The following ATP2B2 variants were observed in gnomAD, a reference collection of about 807,000 sequenced individuals.
The protein encoded by ATP2B2 is plasma membrane calcium-transporting ATPase 2.
In ATP2B2, 15 loss-of-function variants were observed where a neutral mutation model predicts 120.0. The ratio of observed to expected loss-of-function variants is 0.12; its 90% CI spans 0.08 to 0.19. The LOEUF is 0.19. ATP2B2 is among the 10% of genes least tolerant of loss of function. The pLI is 1.00. For missense variants in ATP2B2, 1,045 were observed against 1,719.8 expected, an observed-to-expected ratio of 0.61 and a Z score of 6.94; for synonymous variants, 694 against 700.3, an observed-to-expected ratio of 0.99 and a Z score of 0.14.
rs181383482 is a variant in ATP2B2 at position 10,705,713 on chromosome 3, C to T, written c.-460+2202G>A. On this transcript the variant is annotated intron_variant, in intron 1 of 21. Coordinates refer to the ATP2B2 transcript ENST00000646379. ...TTGTGAGGATTAAATCAGATGAAAC[C>T]CCAAAAGCGCTTCGTACACAGCCTG... Among the ~76,000 whole-genome samples, 350 of 152,242 alleles carry T rather than the reference C, an allele frequency of 2.3e-3. 2 individuals carry two copies. Among genetic ancestry groups the T allele is most frequent in the African/African-American group, 7.9e-3 (326 of 41,528 alleles).
intron 3 of ATP2B2, among the ~76,000 whole-genome samples, chr3:10,521,891 A>G (rs2066991350): frequency 6.6e-6 from 1 of 152,234 alleles, no homozygotes; most frequent in Non-Finnish European, 1.5e-5. Context: ...AGGCAATATT[A>G]GCCCATTTAC....
intron 1 of ATP2B2, among the ~76,000 whole-genome samples, chr3:10,484,788 C>A (rs1230283435): frequency 6.6e-6 from 1 of 152,214 alleles, no homozygotes; most frequent in African/African-American, 2.4e-5. Flanking sequence ...CAACCTCAAC[C>A]ATCAGCCAGG....
At chr3:10,465,199 C>T (rs17032929) in intron 1 of ATP2B2, among the ~76,000 whole-genome samples, 5,616 of 152,334 alleles carry the variant, frequency 0.037, 139 homozygotes, top group Admixed American at 0.063. Flanking sequence ...TCAGCCAGAA[C>T]GTTTAAGAGT....
intron 2 of ATP2B2, among the ~76,000 whole-genome samples, chr3:10,593,533 C>A (rs1318474296): frequency 6.6e-6 from 1 of 152,130 alleles, no homozygotes; most frequent in African/African-American, 2.4e-5. Context: ...GAAACTGGAT[C>A]CCTTCCTTAC....
intron 2 of ATP2B2, among the ~76,000 whole-genome samples, chr3:10,580,981 C>T (rs369510011): frequency 1.8e-4 from 28 of 152,306 alleles, no homozygotes; most frequent in African/African-American, 5.8e-4. Context: ...TGCTGACCCC[C>T]GTCATAGATT....
upstream of ATP2B2, among the ~76,000 whole-genome samples, chr3:10,510,161 C>T (rs998019422): frequency 6.6e-6 from 1 of 152,192 alleles, no homozygotes; most frequent in Non-Finnish European, 1.5e-5. Context: ...CACCAATTCT[C>T]CCCTCCTCCT....
intron 2 of ATP2B2, among the ~76,000 whole-genome samples, chr3:10,582,086 G>A (rs1408545205): frequency 6.6e-6 from 1 of 152,152 alleles, no homozygotes; most frequent in East Asian, 1.9e-4. Flanking sequence ...TATTTTTAAC[G>A]AGACATACTT....
chr3:10,571,974 C>A (rs995954835), intron 2 of ATP2B2, among the ~76,000 whole-genome samples: 9 of 152,162 alleles, frequency 5.9e-5, no homozygotes, highest in Non-Finnish European at 1.2e-4. Context: ...GTCAACTTCC[C>A]CACCCCTTGG....
At chr3:10,574,362 T>C (rs115427013) in intron 2 of ATP2B2, among the ~76,000 whole-genome samples, 9,668 of 152,262 alleles carry the variant, frequency 0.063, 413 homozygotes, top group Middle Eastern at 0.12. Context: ...GCAGTGGTGA[T>C]GGCTGTTTCT....
At chr3:10,654,629 GC>G (rs1175720346) in intron 1 of ATP2B2, among the ~76,000 whole-genome samples, 5 of 152,278 alleles carry the variant, frequency 3.3e-5, no homozygotes, top group Middle Eastern at 3.4e-3. Context: ...CCTCCCTCCA[GC>G]ATAGATTTAT....
chr3:10,336,469 T>C (rs2060120715), intron 22 of ATP2B2, among the ~76,000 whole-genome samples: 1 of 152,176 alleles, frequency 6.6e-6, no homozygotes, highest in Non-Finnish European at 1.5e-5. Flanking sequence ...AAACGTCTGC[T>C]CAGCTCTGGG....
intron 2 of ATP2B2, among the ~76,000 whole-genome samples, chr3:10,614,367 A>G (rs2069324420): frequency 6.6e-6 from 1 of 152,072 alleles, no homozygotes; most frequent in Admixed American, 6.5e-5. Flanking sequence ...GCTGGTTGTT[A>G]TAAGGATTTA....
Position 10,340,290 on chromosome 3 carries a change from C to T in ATP2B2, c.3189G>A (p.Gln1063=), listed in dbSNP as rs1456967817. 1.2e-6 allele frequency: 2 copies of T among 1,614,142 alleles called. No homozygotes were observed. The highest frequency in any genetic ancestry group is 1.7e-6 in the Non-Finnish European group (2 of 1,180,058). ...PFSCSPLQLD[Q]WMWCIFIGLG... ...ACCCAATGAATATGCACCACATCCA[C>T]TGGTCCAGCTGCAGTGGAGAGCAGC... is the stretch of plus-strand genomic sequence containing the variant. The change falls in exon 21 of 23, where the codon CAG becomes CAA. Residue 1063 remains glutamine, a synonymous_variant. Transcript: ENST00000360273. The surrounding 1 kb of genome is among the most constrained non-coding windows in gnomAD (Gnocchi z 5.0).
intron 18 of ATP2B2, among the ~76,000 whole-genome samples, chr3:10,344,275 C>T (rs1342539330): frequency 6.6e-6 from 1 of 152,162 alleles, no homozygotes; most frequent in Non-Finnish European, 1.5e-5. Flanking sequence ...GCATCAAGAC[C>T]TTCTGGTTTC....
chr3:10,422,227 G>A (rs2063004499), intron 2 of ATP2B2, among the ~76,000 whole-genome samples: 1 of 152,198 alleles, frequency 6.6e-6, no homozygotes, highest in Non-Finnish European at 1.5e-5. Flanking sequence ...TGCACACATG[G>A]GTGGCCACGT....
At chr3:10,597,502 G>A (rs777570656) in intron 2 of ATP2B2, among the ~76,000 whole-genome samples, 3 of 152,296 alleles carry the variant, frequency 2.0e-5, no homozygotes, top group Admixed American at 6.5e-5. Flanking sequence ...AAGGAAAGAA[G>A]GAGGAAACCA....
intron 2 of ATP2B2, among the ~76,000 whole-genome samples, chr3:10,424,976 G>T (rs2063101212): frequency 6.6e-6 from 1 of 152,050 alleles, no homozygotes; most frequent in Non-Finnish European, 1.5e-5. Context: ...GTGGTTTAGG[G>T]GACTCTAGCT....
chr3:10,701,533 G>A (rs1290089859), intron 1 of ATP2B2, among the ~76,000 whole-genome samples: 1 of 152,074 alleles, frequency 6.6e-6, no homozygotes, highest in Non-Finnish European at 1.5e-5. Flanking sequence ...GTTGAGGAGT[G>A]ACAGTTTGTA....
intron 1 of ATP2B2, among the ~76,000 whole-genome samples, chr3:10,637,783 A>G (rs2070064367): frequency 6.6e-6 from 1 of 152,226 alleles, no homozygotes. Context: ...ATAAACACAC[A>G]GGCCTAAGAA....
Sources: gnomAD v4.1 joint callset for allele counts (sites outside exome capture counted in the v4.1 genomes callset) on GRCh38, gnomAD v4.1.1 for gene constraint, Gnocchi (gnomAD v3.1) non-coding constraint, MANE v1.5 for transcripts, NCBI Gene and HGNC (gene_info 2026-07-23, HGNC 2026-07-21) for gene names.